The following GDI2 variants were observed in gnomAD, a reference collection of about 807,000 sequenced individuals.
The protein encoded by GDI2 is rab GDP dissociation inhibitor beta.
A neutral mutation model predicts 54.2 loss-of-function variants in GDI2; 22 were observed. That is an observed-to-expected ratio of 0.41 (90% CI 0.29 to 0.58). The LOEUF (loss-of-function observed/expected upper bound fraction) is 0.58, where lower values mean the gene tolerates loss of function less well. Ranked by LOEUF, GDI2 falls within the 20% of genes least tolerant of loss-of-function variation. The pLI is 0.35. For missense variants in GDI2, 422 were observed against 546.0 expected, an observed-to-expected ratio of 0.77 and a Z score of 2.26; for synonymous variants, 177 against 182.1, an observed-to-expected ratio of 0.97 and a Z score of 0.23.
rs1840411932 is a variant in GDI2 at position 5,768,557 on chromosome 10, A to T, written c.820-173T>A. 1 of 589,654 alleles carries T rather than the reference A, an allele frequency of 1.7e-6. No individual in the cohort carries two copies. Among genetic ancestry groups the T allele is most frequent in the Non-Finnish European group, 3.0e-6 (1 of 332,902 alleles). 36.5% of individuals were successfully genotyped at this position (589,654 alleles called of 1,614,324 possible). A position where few individuals can be genotyped will look rare whatever the true frequency, so the allele number is the denominator to read the frequency against. Reference sequence around the variant, plus strand: ...ACAACCAAAACAATCTTAAAAGAAGAACAGCAAAGCTGGAGGACTCACTCA... The same window carrying T: ...ACAACCAAAACAATCTTAAAAGAAGTACAGCAAAGCTGGAGGACTCACTCA... On this transcript the variant is annotated intron_variant, in intron 7 of 10. Transcript: ENST00000380191. This position sits in a 1 kb window ranked among gnomAD's most constrained non-coding sequence, Gnocchi z 4.4.
At chr10:5,788,471 TG>T (rs1258448326) in intron 4 of GDI2, among the ~76,000 whole-genome samples, 1 of 152,228 alleles carries the variant, frequency 6.6e-6, no homozygotes, top group Non-Finnish European at 1.5e-5. Flanking sequence ...ATAACACATC[TG>T]AACTGCCACT....
intron 1 of GDI2, among the ~76,000 whole-genome samples, chr10:5,804,492 C>G (rs773311092): frequency 2.0e-5 from 3 of 152,178 alleles, no homozygotes; most frequent in Non-Finnish European, 4.4e-5. Flanking sequence ...TCCCCCAGCA[C>G]TCTCATAATT....
intron 4 of GDI2, among the ~76,000 whole-genome samples, chr10:5,788,174 A>C (rs1484693443): frequency 4.6e-5 from 7 of 150,826 alleles, no homozygotes; most frequent in Non-Finnish European, 7.4e-5. Flanking sequence ...CAAATCAATA[A>C]CGTGTTTCCT....
rs893177188 is a variant in GDI2 at position 5,776,949 on chromosome 10, A to C, written c.720-3008T>G. 5.3e-6 allele frequency: 3 copies of C among 569,810 alleles called. No homozygotes were observed. The African/African-American group carries it at 5.7e-5, about 11-fold the overall frequency. The allele number at this position is 569,810 out of a possible 1,614,324, so 35.3% of individuals were successfully genotyped here. A position where few individuals can be genotyped will look rare whatever the true frequency, so the allele number is the denominator to read the frequency against. On this transcript the variant is annotated intron_variant, in intron 6 of 10. Transcript: ENST00000380191. This position sits in a 1 kb window ranked among gnomAD's most constrained non-coding sequence, Gnocchi z 5.3. ...AAAATTAAAAGGGAAAACCACATAG[A>C]AGGGTAATCCCGGAAATGCTTCATC...
chr10:5,783,191 G>A (rs1220159594), intron 6 of GDI2, among the ~76,000 whole-genome samples: 1 of 151,680 alleles, frequency 6.6e-6, no homozygotes, highest in African/African-American at 2.4e-5. Context: ...CCCAGGACAG[G>A]GATAGGTCTA....
chr10:5,778,901 C>T (rs1026555524), intron 6 of GDI2, among the ~76,000 whole-genome samples: 47 of 152,256 alleles, frequency 3.1e-4, no homozygotes, highest in Admixed American at 5.9e-4. Context: ...CAAACCAAAA[C>T]CAACTTTTCA....
At position 5,765,881 on chromosome 10, in the gene GDI2, T is replaced by C. The variant is rs768572142; in HGVS notation, c.*125A>G. On this transcript the variant is annotated 3_prime_UTR_variant, in exon 11 of 11. Transcript: ENST00000380191. ...TAGAAAGGTGAAGGGGAGTATTTACTGGCACAGCGCTCTTCATTCTCTCCA... is the reference window on the plus strand; with the variant it reads ...TAGAAAGGTGAAGGGGAGTATTTACCGGCACAGCGCTCTTCATTCTCTCCA... 40 of 691,838 alleles carry C rather than the reference T, an allele frequency of 5.8e-5. No individual in the cohort carries two copies. Among genetic ancestry groups the C allele is most frequent in the Non-Finnish European group, 9.3e-5 (39 of 418,356 alleles). 42.9% of individuals were successfully genotyped at this position (691,838 alleles called of 1,614,324 possible).
intron 5 of GDI2, among the ~76,000 whole-genome samples, 162 bp downstream of exon 5, chr10:5,785,690 T>A (rs535528419): frequency 1.3e-5 from 2 of 152,278 alleles, no homozygotes; most frequent in South Asian, 2.1e-4. Flanking sequence ...ACCTTTATAT[T>A]TAAATCACTT....
intron 3 of GDI2, among the ~76,000 whole-genome samples, chr10:5,796,320 G>C (rs1472358440): frequency 1.3e-5 from 2 of 149,544 alleles, no homozygotes; most frequent in Non-Finnish European, 3.0e-5. Flanking sequence ...CTGCACTCCA[G>C]CCTGGGTGAC....
Position 5,776,365 on chromosome 10 carries a change from T to C in GDI2, c.720-2424A>G. The stretch of plus-strand genomic sequence containing the variant: ...GAGGATGCAGAGAGCCAGAGCCCCC[T>C]TTCTCAGAAGCACAGCCCTTTCACA... On this transcript the variant is annotated intron_variant, in intron 6 of 10. Coordinates refer to ENST00000380191, the MANE Select transcript of GDI2 (RefSeq NM_001494.4). This position sits in a 1 kb window ranked among gnomAD's most constrained non-coding sequence, Gnocchi z 5.3. 1.3e-5 allele frequency: 9 copies of C among 690,028 alleles called. No individual in the cohort carries two copies. In the South Asian group the frequency reaches 1.5e-4, roughly 11 times the overall value. The allele number at this position is 690,028 out of a possible 1,614,324, so 42.7% of individuals were successfully genotyped here. A position where few individuals can be genotyped will look rare whatever the true frequency, so the allele number is the denominator to read the frequency against.
chr10:5,796,092 T>C (rs1841141269), intron 3 of GDI2, among the ~76,000 whole-genome samples: 1 of 152,188 alleles, frequency 6.6e-6, no homozygotes, highest in African/African-American at 2.4e-5. Context: ...ATACTTAGCC[T>C]GTAATCACAG....
In GDI2 at chr10:5,765,983, T is replaced by C. The variant is rs1840316197; in HGVS notation, c.*23A>G. 6.5e-7 allele frequency: 1 copy of C among 1,546,302 alleles called. No homozygotes were observed. Reference sequence around the variant, plus strand: ...TTGCCAAATTTTAAATGTGTCCTAATTACATAATAACATGTACTGCTGTTA... The same window carrying C: ...TTGCCAAATTTTAAATGTGTCCTAACTACATAATAACATGTACTGCTGTTA... On this transcript the variant is annotated 3_prime_UTR_variant, in exon 11 of 11. Transcript: ENST00000380191.
At chr10:5,795,456 A>G (rs1841124611) in intron 3 of GDI2, among the ~76,000 whole-genome samples, 1 of 152,188 alleles carries the variant, frequency 6.6e-6, no homozygotes, top group South Asian at 2.1e-4. Context: ...TAAATAGGAC[A>G]ACCAGAATGC....
chr10:5,807,954 C>G (rs72772390), intron 1 of GDI2, among the ~76,000 whole-genome samples: 26,543 of 152,170 alleles, frequency 0.17, 2,635 homozygotes, highest in Admixed American at 0.23. Flanking sequence ...GCCCACTCCC[C>G]AACCCCGATT....
chr10:5,804,786 C>CA (rs1433297291), intron 1 of GDI2, among the ~76,000 whole-genome samples: 2 of 151,678 alleles, frequency 1.3e-5, no homozygotes, highest in Admixed American at 6.6e-5. Context: ...GCAGCTGTGA[C>CA]AGAGACCAGA....
intron 6 of GDI2, among the ~76,000 whole-genome samples, chr10:5,777,308 AC>A (rs1840646658): frequency 1.3e-5 from 2 of 152,204 alleles, no homozygotes; most frequent in South Asian, 4.1e-4. Context: ...CACTATCTCC[AC>A]AAAAAATACA....
intron 6 of GDI2, among the ~76,000 whole-genome samples, chr10:5,777,652 T>A (rs1840657733): frequency 6.6e-6 from 1 of 152,168 alleles, no homozygotes; most frequent in Non-Finnish European, 1.5e-5. Flanking sequence ...CTGGAGAGGA[T>A]GTGGAGAAAT....
At chr10:5,797,649 AGAATCACATGAATCTGGGAGG>A (rs1841179266) in intron 2 of GDI2, among the ~76,000 whole-genome samples, 1 of 143,892 alleles carries the variant, frequency 6.9e-6, no homozygotes, top group Non-Finnish European at 1.5e-5. Context: ...TGGGAGGTGG[AGAATCACATGAATCTGGGAGG>A]TGGAGGTTGC....
intron 7 of GDI2, among the ~76,000 whole-genome samples, chr10:5,770,087 G>A (rs1187584286): frequency 6.6e-6 from 1 of 152,180 alleles, no homozygotes; most frequent in East Asian, 1.9e-4. Flanking sequence ...CAACACAGAT[G>A]AACCATGGAC....
Sources: gnomAD v4.1 joint callset for allele counts (sites outside exome capture counted in the v4.1 genomes callset) on GRCh38, gnomAD v4.1.1 for gene constraint, Gnocchi (gnomAD v3.1) non-coding constraint, MANE v1.5 for transcripts, NCBI Gene and HGNC (gene_info 2026-07-23, HGNC 2026-07-21) for gene names.